SCARB1: variants seen among roughly 807,000 people sequenced by gnomAD.
The protein encoded by SCARB1 is scavenger receptor class B member 1, also known as CD36 and LIMPII analogous 1.
In SCARB1, 30 loss-of-function variants were observed where a neutral mutation model predicts 57.2. That is an observed-to-expected ratio of 0.52 (90% CI 0.39 to 0.71). The LOEUF (loss-of-function observed/expected upper bound fraction) is 0.71. Ranked by LOEUF, SCARB1 falls within the 30% of genes least tolerant of loss-of-function variation. SCARB1 has a pLI of 0.00. For missense variants in SCARB1, 543 were observed against 671.2 expected (o/e 0.81, Z 2.11); for synonymous variants, 249 against 268.3 (o/e 0.93, Z 0.70).
intron 1 of SCARB1, among the ~76,000 whole-genome samples, chr12:124,831,150 A>AT (rs1168048419): frequency 1.3e-5 from 2 of 151,992 alleles, no homozygotes; most frequent in East Asian, 1.9e-4. Flanking sequence ...TAATTTTTGT[A>AT]TTTTTTTAAG....
chr12:124,788,188 C>T (rs1006361726), intron 9 of SCARB1, among the ~76,000 whole-genome samples: 1 of 152,156 alleles, frequency 6.6e-6, no homozygotes, highest in African/African-American at 2.4e-5. Flanking sequence ...CAGAAGGAAT[C>T]TCCCCTGGCA....
chr12:124,844,111 C>T (rs1952032831), intron 1 of SCARB1, among the ~76,000 whole-genome samples: 3 of 152,114 alleles, frequency 2.0e-5, no homozygotes, highest in Non-Finnish European at 4.4e-5. Flanking sequence ...TTTGTGGAGG[C>T]AGGAGTCAGA....
chr12:124,782,776 CT>C lies in SCARB1; in HGVS notation c.1436del (p.Lys479ArgfsTer16), dbSNP rs1566127502. 1 of 1,613,828 alleles carries C rather than the reference CT, an allele frequency of 6.2e-7. No individual in the cohort carries two copies. Among genetic ancestry groups the C allele is most frequent in the Non-Finnish European group, 8.5e-7 (1 of 1,179,696 alleles). On this transcript the variant is annotated frameshift_variant, in exon 12 of 13. Coordinates refer to ENST00000261693, the MANE Select transcript of SCARB1 (RefSeq NM_005505.5). LOFTEE classifies it high-confidence loss of function. The part of the protein sequence containing the change: ...KCYLFWSSSK[K>X]GSKDKEAIQA... ...GAATGGCCTCCTTATCCTTTGAGCC[CT>C]TTTTACTACTACTCCAAAATAAATA...
At position 124,781,292 on chromosome 12, in the gene SCARB1, G is replaced by A. The variant is rs1450405388; in HGVS notation, c.*1391C>T. 2.6e-5 allele frequency among the ~76,000 whole-genome samples: 4 copies of A among 152,342 alleles called. 1 individual carries two copies. The highest frequency in any genetic ancestry group is 2.9e-5 in the Non-Finnish European group (2 of 68,036). On this transcript the variant is annotated intron_variant, in intron 12 of 12. Transcript: ENST00000261693. ...AGACAGCCAAGTGGCCCCAAAGAGT[G>A]GGGCTGCTGCCTCACGTCCCCACAA...
chr12:124,781,054 G>A (rs945418344), intron 12 of SCARB1, among the ~76,000 whole-genome samples: 1 of 152,166 alleles, frequency 6.6e-6, no homozygotes, highest in African/African-American at 2.4e-5. Flanking sequence ...TGGGGACCCT[G>A]TCCCAGGGAG....
intron 1 of SCARB1, among the ~76,000 whole-genome samples, chr12:124,842,963 C>T (rs969464428): frequency 7.2e-5 from 11 of 152,172 alleles, no homozygotes; most frequent in South Asian, 2.1e-4. Context: ...GGGAAGGATA[C>T]GGGTGTGGGT....
Position 124,863,588 on chromosome 12 carries a change from C to T in SCARB1, c.126+7G>A. 6.2e-7 allele frequency: 1 copy of T among 1,602,412 alleles called. No homozygotes were observed. Among genetic ancestry groups the T allele is most frequent in the Non-Finnish European group, 8.5e-7 (1 of 1,174,620 alleles). On this transcript the variant is annotated splice_region_variant and intron_variant, in intron 1 of 12. Coordinates refer to ENST00000261693, the MANE Select transcript of SCARB1 (RefSeq NM_005505.5). Reference sequence around the variant, plus strand: ...TGCGCGGACCCCCTGGGGTCTCCCTCACCCACCTTAAGGACCTGCTGCTTG... The same window carrying T: ...TGCGCGGACCCCCTGGGGTCTCCCTTACCCACCTTAAGGACCTGCTGCTTG...
chr12:124,837,573 G>C (rs1481620249), intron 1 of SCARB1, among the ~76,000 whole-genome samples: 6 of 64,710 alleles, frequency 9.3e-5, no homozygotes, highest in Non-Finnish European at 2.3e-4. Context: ...GAAAAGAAAA[G>C]AAAAGAAAAG....
At position 124,817,086 on chromosome 12, in the gene SCARB1, GTA is replaced by G. The variant is rs1158087873; in HGVS notation, c.284+462_284+463del. Among the ~76,000 whole-genome samples the G allele has an allele frequency of 1.6e-4, 24 of 149,826 alleles. No homozygotes were observed. Among genetic ancestry groups the G allele is most frequent in the African/African-American group, 5.8e-4 (23 of 39,872 alleles). ...CATGTGTAGGTACATGTGTGTGTAT[GTA>G]TGTGTGTGTGTATGTGTATGTACGT... On this transcript the variant is annotated intron_variant, in intron 2 of 12. Transcript: ENST00000261693. The surrounding 1 kb of genome is among the most constrained non-coding windows in gnomAD (Gnocchi z 4.8).
intron 9 of SCARB1, among the ~76,000 whole-genome samples, chr12:124,791,154 T>C (rs1178546650): frequency 6.6e-6 from 1 of 152,204 alleles, no homozygotes; most frequent in Non-Finnish European, 1.5e-5. Flanking sequence ...AAGAATTGGG[T>C]GACTCCCCTG....
chr12:124,792,902 C>T (rs191655800), intron 9 of SCARB1, among the ~76,000 whole-genome samples: 7 of 114,482 alleles, frequency 6.1e-5, no homozygotes, highest in Admixed American at 9.6e-5. Flanking sequence ...GCTGTATCCT[C>T]GGCCCCAGGT....
intron 1 of SCARB1, among the ~76,000 whole-genome samples, chr12:124,854,124 G>T (rs1332064653): frequency 6.6e-6 from 1 of 152,198 alleles, no homozygotes; most frequent in Non-Finnish European, 1.5e-5. Flanking sequence ...TGGCTGACAG[G>T]TCTAAGCAGA....
chr12:124,794,400 C>CTTTTTTTTTTTT (rs3043265), intron 9 of SCARB1, among the ~76,000 whole-genome samples: 3 of 119,878 alleles, frequency 2.5e-5, no homozygotes, highest in African/African-American at 6.6e-5. Flanking sequence ...TTGAAAAATT[C>CTTTTTTTTTTTT]TTTTTTTTTT....
intron 4 of SCARB1, among the ~76,000 whole-genome samples, chr12:124,813,471 C>T (rs903924513): frequency 1.3e-5 from 2 of 152,202 alleles, no homozygotes; most frequent in Non-Finnish European, 2.9e-5. Flanking sequence ...GAACAGCCTA[C>T]CGCTAGACTT....
intron 9 of SCARB1, among the ~76,000 whole-genome samples, chr12:124,793,370 A>G (rs924950732): frequency 1.3e-5 from 2 of 151,986 alleles, no homozygotes; most frequent in African/African-American, 2.4e-5. Context: ...GCGCGTGGGG[A>G]GGAACTGGAA....
In SCARB1 at chr12:124,807,967, C is replaced by T. The variant is rs760655256; in HGVS notation, c.843-40G>A. On this transcript the variant is annotated intron_variant, in intron 6 of 12. Coordinates refer to ENST00000261693, the MANE Select transcript of SCARB1 (RefSeq NM_005505.5). This position sits in a 1 kb window ranked among gnomAD's most constrained non-coding sequence, Gnocchi z 5.3. ...CAGGATGAGAGGGGACACCCAGACC[C>T]GGCGGCCAGAGCCAGGCCCTGCCAA... The T allele has an allele frequency of 8.7e-6, 14 of 1,606,980 alleles. No individual in the cohort carries two copies. The highest frequency in any genetic ancestry group is 9.4e-6 in the Non-Finnish European group (11 of 1,174,446).
intron 8 of SCARB1, among the ~76,000 whole-genome samples, chr12:124,798,537 T>G (rs1594225137): frequency 6.6e-6 from 1 of 151,978 alleles, no homozygotes; most frequent in Admixed American, 6.6e-5. Flanking sequence ...CACCTGTATG[T>G]GGAATCTAAA....
At chr12:124,827,410 TTAA>T (rs1419430762) in intron 1 of SCARB1, among the ~76,000 whole-genome samples, 1 of 141,680 alleles carries the variant, frequency 7.1e-6, no homozygotes, top group Admixed American at 6.9e-5. Flanking sequence ...TGGTCAGGGG[TTAA>T]TATTATTATT....
intron 7 of SCARB1, among the ~76,000 whole-genome samples, chr12:124,802,703 T>G (rs865995841): frequency 7.2e-5 from 11 of 152,204 alleles, no homozygotes; most frequent in Non-Finnish European, 1.0e-4. Context: ...GTAATTAATT[T>G]GTAGCTTTAT....
Sources: allele counts gnomAD v4.1 joint callset (sites outside exome capture counted in the v4.1 genomes callset), GRCh38; gene constraint gnomAD v4.1.1; non-coding constraint Gnocchi (gnomAD v3.1); transcripts MANE v1.5; gene names NCBI Gene and HGNC (gene_info 2026-07-23, HGNC 2026-07-21).